Variants in MINDY3 observed in about 807,000 individuals in gnomAD.
The protein encoded by MINDY3 is ubiquitin carboxyl-terminal hydrolase MINDY-3.
In MINDY3, 38 loss-of-function variants were observed where a neutral mutation model predicts 69.2. The ratio of observed to expected loss-of-function variants is 0.55; its 90% CI spans 0.42 to 0.72. The LOEUF (loss-of-function observed/expected upper bound fraction) is 0.72, where lower values mean the gene tolerates loss of function less well. Ranked by LOEUF, MINDY3 falls within the 30% of genes least tolerant of loss-of-function variation. MINDY3 has a pLI of 0.00. For synonymous variants in MINDY3, 192 were observed against 180.1 expected, an observed-to-expected ratio of 1.07 and a Z score of -0.53; for missense variants, 522 against 519.0, an observed-to-expected ratio of 1.01 and a Z score of -0.06.
chr10:15,853,805 G>A (rs564065287), intron 1 of MINDY3, among the ~76,000 whole-genome samples: 1 of 151,674 alleles, frequency 6.6e-6, no homozygotes, highest in Non-Finnish European at 1.5e-5. Context: ...ATTCAGACTT[G>A]AGTATCTGGC....
At chr10:15,847,355 G>A (rs1833924595) in intron 2 of MINDY3, among the ~76,000 whole-genome samples, 1 of 152,174 alleles carries the variant, frequency 6.6e-6, no homozygotes, top group Admixed American at 6.5e-5. Flanking sequence ...TTTTGAAATT[G>A]TTTGAAATCA....
At chr10:15,813,756 T>C (rs1839167836) in intron 10 of MINDY3, among the ~76,000 whole-genome samples, 1 of 152,174 alleles carries the variant, frequency 6.6e-6, no homozygotes, top group Admixed American at 6.5e-5. Flanking sequence ...TCACAGGCAT[T>C]TCACAACGCC....
At chr10:15,782,097 C>A in intron 14 of MINDY3, 58 bp downstream of exon 14, 1 of 1,219,270 alleles carries the variant, frequency 8.2e-7, no homozygotes, top group Non-Finnish European at 1.2e-6. Flanking sequence ...TTGTTACATA[C>A]TCACATAATT....
At chr10:15,816,698 A>C in intron 10 of MINDY3, 137 bp downstream of exon 10, 3 of 650,700 alleles carry the variant, frequency 4.6e-6, no homozygotes, top group Non-Finnish European at 8.2e-6. Context: ...CTTCAGTATT[A>C]GTTTTTGAGA....
At chr10:15,809,648 A>G (rs1381675620) in intron 10 of MINDY3, among the ~76,000 whole-genome samples, 2 of 152,110 alleles carry the variant, frequency 1.3e-5, no homozygotes, top group African/African-American at 4.8e-5. Flanking sequence ...TCCTCTTATT[A>G]GAAGTTCTGT....
intron 1 of MINDY3, among the ~76,000 whole-genome samples, chr10:15,850,119 A>C (rs543064744): frequency 6.6e-6 from 1 of 152,340 alleles, no homozygotes; most frequent in South Asian, 2.1e-4. Flanking sequence ...ATAAACTGTG[A>C]AGATTTCATG....
At chr10:15,796,476 G>GA (rs746694573) in intron 10 of MINDY3, among the ~76,000 whole-genome samples, 3,050 of 138,154 alleles carry the variant, frequency 0.022, 92 homozygotes, top group African/African-American at 0.067. Flanking sequence ...AATGTAGCAT[G>GA]AAAAAAAAAA....
At chr10:15,793,881 C>T (rs949113045) in intron 11 of MINDY3, among the ~76,000 whole-genome samples, 10 of 152,040 alleles carry the variant, frequency 6.6e-5, no homozygotes. Flanking sequence ...AATTTCATAC[C>T]AGGTTTATGC....
chr10:15,846,725 ATTT>A (rs11455489), intron 2 of MINDY3, among the ~76,000 whole-genome samples: 1 of 141,640 alleles, frequency 7.1e-6, no homozygotes. Context: ...TTAGGAATGC[ATTT>A]TTTTTTTTTT....
chr10:15,816,659 C>A (rs1377260473), intron 10 of MINDY3, among the ~76,000 whole-genome samples, 176 bp downstream of exon 10: 1 of 152,036 alleles, frequency 6.6e-6, no homozygotes, highest in East Asian at 1.9e-4. Context: ...TTAAAAGATT[C>A]CAGATTTAGA....
intron 10 of MINDY3, among the ~76,000 whole-genome samples, chr10:15,812,232 C>T (rs1249192375): frequency 6.6e-6 from 1 of 152,156 alleles, no homozygotes; most frequent in Non-Finnish European, 1.5e-5. Context: ...TGAGCCCCTG[C>T]GCCCGGCCAA....
At chr10:15,791,171 A>G (rs959969401) in intron 11 of MINDY3, among the ~76,000 whole-genome samples, 1 of 152,146 alleles carries the variant, frequency 6.6e-6, no homozygotes, top group Non-Finnish European at 1.5e-5. Flanking sequence ...AATTTTCTCA[A>G]TAATTCAAAA....
intron 1 of MINDY3, among the ~76,000 whole-genome samples, chr10:15,857,384 T>G (rs190738751): frequency 1.3e-5 from 2 of 152,300 alleles, no homozygotes; most frequent in East Asian, 3.9e-4. Context: ...AACTATTTAT[T>G]GTACATGTGT....
chr10:15,821,226 A>G (rs1652778275), intron 9 of MINDY3, among the ~76,000 whole-genome samples: 1 of 152,344 alleles, frequency 6.6e-6, no homozygotes, highest in Non-Finnish European at 1.5e-5. Context: ...CAGATGGAAT[A>G]GATAAAAGTC....
intron 12 of MINDY3, chr10:15,789,013 G>T (rs1837204934): frequency 5.5e-6 from 2 of 364,926 alleles, no homozygotes; most frequent in East Asian, 8.7e-5. Flanking sequence ...GACACTTTTA[G>T]CATTTTTTAA....
At chr10:15,800,336 G>A (rs1019509995) in intron 10 of MINDY3, among the ~76,000 whole-genome samples, 6 of 152,058 alleles carry the variant, frequency 3.9e-5, no homozygotes, top group Non-Finnish European at 8.8e-5. Flanking sequence ...AGATGTAAAC[G>A]AATGTAAAGA....
chr10:15,813,970 C>G (rs1330711426), intron 10 of MINDY3, among the ~76,000 whole-genome samples: 1 of 144,834 alleles, frequency 6.9e-6, no homozygotes, highest in Non-Finnish European at 1.5e-5. Flanking sequence ...AGCAAACTCA[C>G]CAAAACTCAA....
At chr10:15,793,231 T>C (rs1837555532) in intron 11 of MINDY3, among the ~76,000 whole-genome samples, 1 of 152,144 alleles carries the variant, frequency 6.6e-6, no homozygotes, top group South Asian at 2.1e-4. Context: ...CCAAAGCTCA[T>C]GTGGAACACT....
intron 1 of MINDY3, 79 bp downstream of exon 1, chr10:15,860,127 G>T: frequency 9.3e-7 from 1 of 1,074,444 alleles, no homozygotes; most frequent in Non-Finnish European, 1.4e-6. Context: ...GCGAGGGGCT[G>T]GAGCGAGAGG....
Sources: gnomAD v4.1 joint callset for allele counts (sites outside exome capture counted in the v4.1 genomes callset) on GRCh38, gnomAD v4.1.1 for gene constraint, MANE v1.5 for transcripts, NCBI Gene and HGNC (gene_info 2026-07-23, HGNC 2026-07-21) for gene names.